Variants in FLYWCH1 observed in about 807,000 individuals in gnomAD.
FLYWCH1 encodes the protein FLYWCH-type zinc finger 1, also known as FLYWCH-type zinc finger-containing protein 1.
In FLYWCH1, 75 loss-of-function variants were observed where a neutral mutation model predicts 66.4. The ratio of observed to expected loss-of-function variants is 1.13; its 90% CI spans 0.94 to 1.37. The LOEUF (loss-of-function observed/expected upper bound fraction) is 1.37. FLYWCH1 is among the 40% of genes most tolerant of loss of function. FLYWCH1 has a pLI of 0.00. For synonymous variants in FLYWCH1, 595 were observed against 429.9 expected (o/e 1.38, Z -4.75); for missense variants, 1,334 against 1,001.8 (o/e 1.33, Z -4.48).
intron 8 of FLYWCH1, 88 bp downstream of exon 8, chr16:2,938,544 T>C (rs1366508506): frequency 2.4e-6 from 3 of 1,266,096 alleles, no homozygotes; most frequent in Non-Finnish European, 3.1e-6. Flanking sequence ...AGGCACCCAC[T>C]GAGCAGACTG....
Position 2,929,771 on chromosome 16 carries a change from TC to T in FLYWCH1, c.89del (p.Pro30ArgfsTer67), listed in dbSNP as rs772951532. On this transcript the variant is annotated frameshift_variant, in exon 3 of 10. Transcript: ENST00000253928. LOFTEE classifies it high-confidence loss of function. ...TCCCCCAAGCCAGGCACGGACGTCATCCCGGCAGCCCCCAGGAAGCCCAGGG... is the reference window on the plus strand; with the variant it reads ...TCCCCCAAGCCAGGCACGGACGTCATCCGGCAGCCCCCAGGAAGCCCAGGG... ...EPSPKPGTDVIPAAPRKPREF... is the reference protein window; with the variant it reads ...EPSPKPGTDVXPAAPRKPREF... The T allele has an allele frequency of 1.2e-5, 20 of 1,613,678 alleles. No individual in the cohort carries two copies. The highest frequency in any genetic ancestry group is 8.5e-7 in the Non-Finnish European group (1 of 1,179,854).
intron 9 of FLYWCH1, among the ~76,000 whole-genome samples, chr16:2,946,316 C>CTTT (rs58279573): frequency 0.019 from 1,449 of 75,534 alleles, 90 homozygotes; most frequent in African/African-American, 0.043. Flanking sequence ...GTGGGCTGTA[C>CTTT]TTTTTTTTTT....
intron 9 of FLYWCH1, among the ~76,000 whole-genome samples, chr16:2,942,651 A>AACATCTGTACAGATCAGCCTTAACACG (rs2071315867): frequency 1.3e-5 from 2 of 151,158 alleles, no homozygotes; most frequent in South Asian, 4.2e-4. Flanking sequence ...AATGTAACAC[A>AACATCTGTACAGATCAGCCTTAACACG]GCAGGCCTGA....
At chr16:2,921,099 C>G (rs1596357948) in intron 2 of FLYWCH1, among the ~76,000 whole-genome samples, 2 of 152,098 alleles carry the variant, frequency 1.3e-5, no homozygotes, top group African/African-American at 4.8e-5. Context: ...CCTCGGCCTC[C>G]CAAAGTGCTG....
intron 6 of FLYWCH1, 98 bp downstream of exon 6, chr16:2,934,077 C>G (rs924607743): frequency 4.4e-6 from 6 of 1,354,034 alleles, no homozygotes; most frequent in African/African-American, 1.5e-5. Flanking sequence ...GGCAAACGTC[C>G]TCTTCCCTTC....
rs1029506784 is a variant in FLYWCH1, at chr16:2,949,044, C to T, written c.*317C>T. The T allele has an allele frequency of 2.4e-6, 1 of 410,458 alleles. No homozygotes were observed. Among genetic ancestry groups the T allele is most frequent in the Non-Finnish European group, 4.6e-6 (1 of 219,548 alleles). The allele number at this position is 410,458 out of a possible 1,614,324, so 25.4% of individuals were successfully genotyped here. On this transcript the variant is annotated 3_prime_UTR_variant, in exon 10 of 10. Coordinates refer to ENST00000253928, the MANE Select transcript of FLYWCH1 (RefSeq NM_001308068.2). ...ACGCCCCTGCTGTACGGCCACAGCACCCCTGGGTTTGCAGAGCACGCAGCC... is the reference window on the plus strand; with the variant it reads ...ACGCCCCTGCTGTACGGCCACAGCATCCCTGGGTTTGCAGAGCACGCAGCC...
intron 9 of FLYWCH1, among the ~76,000 whole-genome samples, chr16:2,946,451 A>G (rs536874485): frequency 1.3e-5 from 2 of 150,014 alleles, no homozygotes; most frequent in East Asian, 4.0e-4. Flanking sequence ...CCCCCTGAGT[A>G]GCTCGGATTA....
chr16:2,928,903 C>G (rs1415394451), intron 2 of FLYWCH1: 1 of 152,404 alleles, frequency 6.6e-6, no homozygotes, highest in African/African-American at 2.4e-5. Context: ...GCCACAGCAA[C>G]AGCTCCGGCA....
intron 2 of FLYWCH1, among the ~76,000 whole-genome samples, chr16:2,920,200 C>A (rs11644750): frequency 6.6e-6 from 1 of 152,074 alleles, no homozygotes; most frequent in African/African-American, 2.4e-5. Flanking sequence ...GCCACCCCTT[C>A]TTTGATGAGT....
At chr16:2,913,568 C>T (rs1053300812) in intron 1 of FLYWCH1, among the ~76,000 whole-genome samples, 6 of 152,138 alleles carry the variant, frequency 3.9e-5, no homozygotes, top group African/African-American at 1.2e-4. Context: ...AGGTAGAGAC[C>T]GGGGTTGCTG....
Position 2,937,207 on chromosome 16 carries a change from G to T in FLYWCH1, c.1600G>T (p.Glu534Ter), listed in dbSNP as rs1300972005. Residue 534 changes from glutamate to a stop codon, truncating the protein, a stop_gained, in exon 7 of 10, where the codon GAG becomes TAG. Coordinates refer to ENST00000253928, the MANE Select transcript of FLYWCH1 (RefSeq NM_001308068.2). LOFTEE classifies it high-confidence loss of function. ...FLYRREKAAG[E>*]KVYWTCRDQA... Reference sequence around the variant, plus strand: ...CTACCGGCGGGAGAAGGCGGCCGGGGAGAAGGTGTATTGGACCTGCCGGGA... The same window carrying T: ...CTACCGGCGGGAGAAGGCGGCCGGGTAGAAGGTGTATTGGACCTGCCGGGA... The T allele has an allele frequency of 6.2e-7, 1 of 1,604,368 alleles. No individual in the cohort carries two copies. Among genetic ancestry groups the T allele is most frequent in the Non-Finnish European group, 8.5e-7 (1 of 1,176,870 alleles).
rs370723003 is a variant in FLYWCH1, at chr16:2,929,997, C to A, written c.312C>A (p.Ser104Arg). ...PALEMPEQKCSKLDAAAPQSL... is the reference protein window; with the variant it reads ...PALEMPEQKCRKLDAAAPQSL... ...TAGAGATGCCTGAACAGAAGTGCAG[C>A]AAGCTGGATGCAGGTGAGGTGTGGC... The change falls in exon 3 of 10, where the codon AGC becomes AGA. Residue 104 changes from serine (S) to arginine (R), a missense_variant. Transcript: ENST00000253928. The A allele has an allele frequency of 4.4e-6, 7 of 1,604,364 alleles. No homozygotes were observed. Among genetic ancestry groups the A allele is most frequent in the Non-Finnish European group, 4.3e-6 (5 of 1,172,876 alleles).
chr16:2,942,336 C>T (rs1400024120), intron 9 of FLYWCH1, among the ~76,000 whole-genome samples: 9 of 151,906 alleles, frequency 5.9e-5, no homozygotes, highest in East Asian at 3.9e-4. Context: ...TTAGTAGAAA[C>T]GGGGTTTTCC....
At chr16:2,940,004 A>C (rs761394360) in intron 8 of FLYWCH1, 28 bp from the exon 9 acceptor site, 1 of 1,580,768 alleles carries the variant, frequency 6.3e-7, no homozygotes, top group Non-Finnish European at 8.6e-7. Flanking sequence ...AGAATTATTA[A>C]TTCATATTTT....
intron 6 of FLYWCH1, 86 bp downstream of exon 6, chr16:2,934,065 C>G (rs1262908483): frequency 5.0e-6 from 7 of 1,392,776 alleles, no homozygotes; most frequent in Non-Finnish European, 6.6e-6. Flanking sequence ...GCGGCTCCCC[C>G]TGGCAAACGT....
rs1277667819 is a variant in FLYWCH1, at chr16:2,940,096, ATTGTAT to A, written c.2111+9_2111+14del. On this transcript the variant is annotated splice_donor_5th_base_variant and intron_variant, in intron 9 of 9. Transcript: ENST00000253928. ...CTGAAAGCCAGCAGATTTATGGGTA[ATTGTAT>A]TTGTTATCTAATGGTGCATGACCAA... The A allele has an allele frequency of 1.8e-5, 23 of 1,261,118 alleles. No individual in the cohort carries two copies. Among genetic ancestry groups the A allele is most frequent in the African/African-American group, 2.9e-5 (2 of 67,946 alleles). The allele number at this position is 1,261,118 out of a possible 1,614,324, so 78.1% of individuals were successfully genotyped here. A position where few individuals can be genotyped will look rare whatever the true frequency, so the allele number is the denominator to read the frequency against.
rs559435446 is a variant in FLYWCH1 at position 2,927,709 on chromosome 16, G to A, written c.-73-1904G>A. Reference sequence around the variant, plus strand: ...TCATGAGACTCTTAATCTCAGGGTCGTGGGTTCACGCCCCACACTGGGCGC... The same window carrying A: ...TCATGAGACTCTTAATCTCAGGGTCATGGGTTCACGCCCCACACTGGGCGC... On this transcript the variant is annotated intron_variant, in intron 2 of 9. Transcript: ENST00000253928. 1.4e-4 allele frequency among the ~76,000 whole-genome samples: 22 copies of A among 152,352 alleles called. No homozygotes were observed. The East Asian group carries it at 3.3e-3, about 23-fold the overall frequency.
At chr16:2,948,581 CTG>C in intron 9 of FLYWCH1, 105 bp from the exon 10 acceptor site, 1 of 1,161,126 alleles carries the variant, frequency 8.6e-7, no homozygotes, top group Non-Finnish European at 1.3e-6. Flanking sequence ...ATGTTCTAGA[CTG>C]TGGCATCCCC....
intron 1 of FLYWCH1, among the ~76,000 whole-genome samples, chr16:2,912,611 G>T (rs192784370): frequency 2.0e-5 from 3 of 152,300 alleles, no homozygotes; most frequent in Admixed American, 1.3e-4. Context: ...CCTTTTACGC[G>T]TGTACTCTGT....
Sources: gnomAD v4.1 joint callset for allele counts (sites outside exome capture counted in the v4.1 genomes callset) on GRCh38, gnomAD v4.1.1 for gene constraint, MANE v1.5 for transcripts, NCBI Gene and HGNC (gene_info 2026-07-23, HGNC 2026-07-21) for gene names.